The following DOK5 variants were observed in gnomAD, a reference collection of about 807,000 sequenced individuals.
The protein encoded by DOK5 is docking protein 5.
In DOK5, 27 loss-of-function variants were observed where a neutral mutation model predicts 43.3. The ratio of observed to expected loss-of-function variants is 0.62; its 90% CI spans 0.46 to 0.86. The LOEUF (loss-of-function observed/expected upper bound fraction) is 0.86, where lower values mean the gene tolerates loss of function less well. Ranked by LOEUF, DOK5 falls within the 40% of genes least tolerant of loss-of-function variation. DOK5 has a pLI of 0.00. For synonymous variants in DOK5, 146 were observed against 140.1 expected (o/e 1.04, Z -0.30); for missense variants, 373 against 392.9 (o/e 0.95, Z 0.43).
chr20:54,609,320 T>A (rs1165758812), intron 5 of DOK5, among the ~76,000 whole-genome samples: 1 of 152,218 alleles, frequency 6.6e-6, no homozygotes, highest in African/African-American at 2.4e-5. Context: ...TGGCGTTGTG[T>A]CTTAGAATAA....
chr20:54,547,992 T>C (rs1356745109), intron 1 of DOK5, among the ~76,000 whole-genome samples: 1 of 152,194 alleles, frequency 6.6e-6, no homozygotes, highest in East Asian at 1.9e-4. Flanking sequence ...GAGACAATTT[T>C]GGTTTTCAGT....
intron 5 of DOK5, among the ~76,000 whole-genome samples, chr20:54,601,368 T>C (rs1986292445): frequency 6.6e-6 from 1 of 152,196 alleles, no homozygotes; most frequent in Admixed American, 6.5e-5. Flanking sequence ...TGTGTGAAAA[T>C]GCTTTCTTCA....
rs773612786 is a variant in DOK5, at chr20:54,591,778, C to A, written c.572C>A (p.Thr191Asn). 5.6e-6 allele frequency: 9 copies of A among 1,612,906 alleles called. No homozygotes were observed. In the East Asian group the frequency reaches 1.8e-4, roughly 32 times the overall value. ...GCCCTGCGGCGGTATGGACGTGATA[C>A]TACGTGGTTCACTTTTGAGGCAGGG... Reference protein sequence around the residue: ...LSALRRYGRDTTWFTFEAGRM... With the variant: ...LSALRRYGRDNTWFTFEAGRM... The change falls in exon 5 of 8, where the codon ACT (threonine) becomes AAT (asparagine). Residue 191 changes from threonine to asparagine, a missense_variant. Transcript: ENST00000262593.
chr20:54,484,241 T>C (rs1215365886), intron 1 of DOK5, among the ~76,000 whole-genome samples: 3 of 152,046 alleles, frequency 2.0e-5, no homozygotes, highest in Non-Finnish European at 2.9e-5. Context: ...TAGCTGGGCA[T>C]GGTGGCAGGT....
At chr20:54,539,852 G>A (rs973913208) in intron 1 of DOK5, among the ~76,000 whole-genome samples, 6 of 152,222 alleles carry the variant, frequency 3.9e-5, no homozygotes, top group African/African-American at 7.2e-5. Context: ...TGGAATGATT[G>A]GTTATGCAAC....
chr20:54,615,036 AAGAC>A (rs1986762268), intron 6 of DOK5, among the ~76,000 whole-genome samples: 1 of 152,194 alleles, frequency 6.6e-6, no homozygotes, highest in Non-Finnish European at 1.5e-5. Flanking sequence ...TAACCGGAGA[AAGAC>A]GGCAAAACTC....
chr20:54,639,754 C>T (rs1979015983), intron 6 of DOK5, among the ~76,000 whole-genome samples: 1 of 152,118 alleles, frequency 6.6e-6, no homozygotes, highest in Non-Finnish European at 1.5e-5. Flanking sequence ...ACAGCAAAAC[C>T]AATTTTCCCG....
chr20:54,630,712 A>G (rs1168689600), intron 6 of DOK5, among the ~76,000 whole-genome samples: 1 of 152,234 alleles, frequency 6.6e-6, no homozygotes, highest in Admixed American at 6.5e-5. Context: ...GCTACAGATT[A>G]GTCTGTTACA....
chr20:54,549,946 C>T (rs948765192), intron 1 of DOK5, among the ~76,000 whole-genome samples: 1 of 152,126 alleles, frequency 6.6e-6, no homozygotes, highest in Non-Finnish European at 1.5e-5. Context: ...ACTGTAATTA[C>T]AGTTCTCAGG....
Position 54,539,842 on chromosome 20 carries a change from T to C in DOK5, c.67-15091T>C, listed in dbSNP as rs370087841. Among the ~76,000 whole-genome samples, 17 of 152,354 alleles carry C rather than the reference T, an allele frequency of 1.1e-4. No individual in the cohort carries two copies. In the South Asian group the frequency reaches 3.5e-3, roughly 32 times the overall value. On this transcript the variant is annotated intron_variant, in intron 1 of 7. Coordinates refer to ENST00000262593, the MANE Select transcript of DOK5 (RefSeq NM_018431.5). ...AATTGTTGTTTAAGCAGCTAAGCTTTGGAATGATTGGTTATGCAACAATAA... is the reference window on the plus strand; with the variant it reads ...AATTGTTGTTTAAGCAGCTAAGCTTCGGAATGATTGGTTATGCAACAATAA...
chr20:54,578,160 C>A (rs1348119092), intron 2 of DOK5, among the ~76,000 whole-genome samples: 1 of 152,088 alleles, frequency 6.6e-6, no homozygotes, highest in Admixed American at 6.6e-5. Context: ...TATCTTTTAC[C>A]ACTATGTGCT....
At chr20:54,565,795 G>T (rs1985073575) in intron 2 of DOK5, among the ~76,000 whole-genome samples, 1 of 152,160 alleles carries the variant, frequency 6.6e-6, no homozygotes, top group African/African-American at 2.4e-5. Flanking sequence ...GGCCGAGGCA[G>T]GCGGATCACG....
chr20:54,596,693 A>G (rs377258123), intron 5 of DOK5, among the ~76,000 whole-genome samples: 6 of 152,238 alleles, frequency 3.9e-5, no homozygotes, highest in African/African-American at 1.4e-4. Flanking sequence ...ATAAAGGCAC[A>G]TGTAAAGACA....
intron 6 of DOK5, among the ~76,000 whole-genome samples, chr20:54,632,859 C>T (rs1978633875): frequency 1.3e-5 from 2 of 149,874 alleles, no homozygotes; most frequent in Admixed American, 6.6e-5. Flanking sequence ...GGTGGAGCAC[C>T]TGAGGTCAGG....
At chr20:54,484,142 G>A (rs1192153232) in intron 1 of DOK5, among the ~76,000 whole-genome samples, 2 of 152,140 alleles carry the variant, frequency 1.3e-5, no homozygotes, top group Non-Finnish European at 2.9e-5. Flanking sequence ...ACTTTGGGAG[G>A]CCGAGGCGGG....
chr20:54,607,688 C>T (rs954719221), intron 5 of DOK5, among the ~76,000 whole-genome samples: 1 of 151,502 alleles, frequency 6.6e-6, no homozygotes, highest in Non-Finnish European at 1.5e-5. Context: ...AGTTCGAGAC[C>T]AGCGGCCAAA....
chr20:54,570,178 A>G (rs1454693661), intron 2 of DOK5, among the ~76,000 whole-genome samples: 4 of 152,228 alleles, frequency 2.6e-5, no homozygotes, highest in Admixed American at 1.3e-4. Flanking sequence ...GAAATTTCTA[A>G]TAGAAATGCT....
At chr20:54,568,801 G>A (rs1208151537) in intron 2 of DOK5, among the ~76,000 whole-genome samples, 1 of 151,724 alleles carries the variant, frequency 6.6e-6, no homozygotes, top group African/African-American at 2.4e-5. Context: ...GTGGTGGCGG[G>A]CGCCTGTAGT....
intron 1 of DOK5, among the ~76,000 whole-genome samples, chr20:54,493,859 G>A (rs538246399): frequency 6.6e-6 from 1 of 152,200 alleles, no homozygotes; most frequent in Admixed American, 6.5e-5. Context: ...GGATCATTTA[G>A]GCCCAGGAGT....
Sources: gnomAD v4.1 joint callset for allele counts (sites outside exome capture counted in the v4.1 genomes callset) on GRCh38, gnomAD v4.1.1 for gene constraint, MANE v1.5 for transcripts, NCBI Gene and HGNC (gene_info 2026-07-23, HGNC 2026-07-21) for gene names.